AAK1: variants seen among roughly 807,000 people sequenced by gnomAD.
AAK1 encodes AP2 associated kinase 1, also known as AP2-associated protein kinase 1.
A neutral mutation model predicts 116.0 loss-of-function variants in AAK1; 37 were observed. That is an observed-to-expected ratio of 0.32 (90% CI 0.25 to 0.42). The LOEUF is 0.42. AAK1 is among the 10% of genes least tolerant of loss of function. The pLI, the probability that AAK1 is intolerant of heterozygous loss-of-function variation, is 1.00. For missense variants in AAK1, 919 were observed against 1,170.6 expected, an observed-to-expected ratio of 0.79 and a Z score of 3.14; for synonymous variants, 458 against 439.9, an observed-to-expected ratio of 1.04 and a Z score of -0.51.
chr2:69,566,972 C>A (rs1158575442), intron 2 of AAK1, among the ~76,000 whole-genome samples: 1 of 152,078 alleles, frequency 6.6e-6, no homozygotes, highest in East Asian at 1.9e-4. Context: ...AACTTAATAT[C>A]ATTTGAAACT....
intron 8 of AAK1, 146 bp downstream of exon 8, chr2:69,529,862 A>T: frequency 2.5e-6 from 2 of 801,632 alleles, no homozygotes; most frequent in Non-Finnish European, 1.9e-6. Flanking sequence ...AGACAGTTAC[A>T]TTGTCTTTGA....
At chr2:69,643,358 C>T in intron 1 of AAK1, 84 bp from the exon 2 acceptor site, 1 of 1,207,506 alleles carries the variant, frequency 8.3e-7, no homozygotes, top group Non-Finnish European at 1.0e-6. Context: ...GAGCAAAAGC[C>T]ATCATCCTGG....
In AAK1 at chr2:69,520,976, G is replaced by A. The variant is rs1669750630; in HGVS notation, c.1068C>T (p.Pro356=). 6.2e-7 allele frequency: 1 copy of A among 1,613,906 alleles called. No homozygotes were observed. Among genetic ancestry groups the A allele is most frequent in the South Asian group, 1.1e-5 (1 of 91,078 alleles). The change falls in exon 11 of 22, where the codon CCC becomes CCT. Residue 356 remains proline, a synonymous_variant. Transcript: ENST00000409085. ...KTQPKARLTD[P]IPTTETSIAP... ...CAATTGAAGTCTCTGTGGTGGGAAT[G>A]GGATCTGTCAGTCTAGAAAGGGAAA...
At position 69,496,184 on chromosome 2, in the gene AAK1, T is replaced by G. The variant is rs538724146; in HGVS notation, c.2270-104A>C. ...AGTTTACCCTCTATTAATGCAACAG[T>G]TCAAACTACAGAGTAAGTCTAAGCC... On this transcript the variant is annotated intron_variant, in intron 16 of 21. Transcript: ENST00000409085. 3.7e-4 allele frequency: 281 copies of G among 752,418 alleles called. 4 individuals are homozygous for G. The highest frequency in any genetic ancestry group is 7.5e-5 in the Non-Finnish European group (34 of 450,940). The allele number at this position is 752,418 out of a possible 1,614,324, so 46.6% of individuals were successfully genotyped here.
intron 15 of AAK1, among the ~76,000 whole-genome samples, chr2:69,506,707 A>G (rs1241745906): frequency 6.6e-6 from 1 of 152,148 alleles, no homozygotes; most frequent in Non-Finnish European, 1.5e-5. Context: ...TAAAGCCAAA[A>G]TGTTTGGCCA....
chr2:69,595,489 T>C (rs1206280937), intron 2 of AAK1, among the ~76,000 whole-genome samples: 3 of 152,190 alleles, frequency 2.0e-5, no homozygotes, highest in Non-Finnish European at 2.9e-5. Flanking sequence ...AGAACAAACC[T>C]GCCAAAACAT....
Position 69,472,208 on chromosome 2 carries a change from T to C in AAK1, c.*3661A>G. 1 of 969,772 alleles carries C rather than the reference T, an allele frequency of 1.0e-6. No individual in the cohort carries two copies. The highest frequency in any genetic ancestry group is 1.8e-5 in the African/African-American group (1 of 56,988). 60.1% of individuals were successfully genotyped at this position (969,772 alleles called of 1,614,324 possible). A position where few individuals can be genotyped will look rare whatever the true frequency, so the allele number is the denominator to read the frequency against. ...CTGAGAATTTTTTGTGGATTATCCT[T>C]TTTACTGTCTTCAACAGTAACCACT... On this transcript the variant is annotated 3_prime_UTR_variant, in exon 22 of 22. Transcript: ENST00000409085.
chr2:69,566,350 A>G (rs1458935762), intron 2 of AAK1, among the ~76,000 whole-genome samples: 1 of 151,988 alleles, frequency 6.6e-6, no homozygotes, highest in African/African-American at 2.4e-5. Context: ...TTTAATGTCA[A>G]TCTCTCCTCA....
At chr2:69,617,060 T>C (rs940317429) in intron 2 of AAK1, among the ~76,000 whole-genome samples, 10 of 152,024 alleles carry the variant, frequency 6.6e-5, no homozygotes, top group African/African-American at 2.2e-4. Flanking sequence ...AGGATGTCCT[T>C]AAGGTATAGG....
intron 2 of AAK1, among the ~76,000 whole-genome samples, chr2:69,620,985 G>C (rs1414289240): frequency 6.6e-6 from 1 of 152,198 alleles, no homozygotes; most frequent in East Asian, 1.9e-4. Context: ...TTTTTAAAAA[G>C]CATACCCTTT....
In AAK1 at chr2:69,474,474, T is replaced by G; in HGVS notation, c.*1395A>C. The stretch of plus-strand genomic sequence containing the variant: ...ACCATGAGGCATGTTGTCATGTTAG[T>G]GCAGGGGCCTTTATTTATTTTATGA... On this transcript the variant is annotated 3_prime_UTR_variant, in exon 22 of 22. Transcript: ENST00000409085. The G allele has an allele frequency of 1.0e-6, 1 of 985,490 alleles. No individual in the cohort carries two copies. Among genetic ancestry groups the G allele is most frequent in the Non-Finnish European group, 1.2e-6 (1 of 829,828 alleles). 61.0% of individuals were successfully genotyped at this position (985,490 alleles called of 1,614,324 possible). A position where few individuals can be genotyped will look rare whatever the true frequency, so the allele number is the denominator to read the frequency against.
chr2:69,469,295 G>C lies in AAK1; in HGVS notation c.*6574C>G. On this transcript the variant is annotated 3_prime_UTR_variant, in exon 22 of 22. Transcript: ENST00000409085. ...CCACATTCCCTTAAGGAATTCTGGT[G>C]GTGGCAGCACCAGAAACAAGGTAGT... The C allele has an allele frequency of 1.0e-6, 1 of 985,418 alleles. No homozygotes were observed. The highest frequency in any genetic ancestry group is 1.2e-6 in the Non-Finnish European group (1 of 829,928). The allele number at this position is 985,418 out of a possible 1,614,324, so 61.0% of individuals were successfully genotyped here. A position where few individuals can be genotyped will look rare whatever the true frequency, so the allele number is the denominator to read the frequency against.
At position 69,461,478 on chromosome 2, in the gene AAK1, CAA is replaced by C. The variant is rs1157256773; in HGVS notation, c.*14389_*14390del. On this transcript the variant is annotated 3_prime_UTR_variant, in exon 22 of 22. Transcript: ENST00000409085. ...CTAATAATTAATGTAATCCACAAGTCAAAGTTTTTTCATGCATCACCAAAAAA... is the reference window on the plus strand; with the variant it reads ...CTAATAATTAATGTAATCCACAAGTCAGTTTTTTCATGCATCACCAAAAAA... 4.3e-6 allele frequency: 1 copy of C among 229,888 alleles called. No homozygotes were observed. The highest frequency in any genetic ancestry group is 8.4e-6 in the Non-Finnish European group (1 of 118,458). The allele number at this position is 229,888 out of a possible 1,614,324, so 14.2% of individuals were successfully genotyped here.
intron 11 of AAK1, 55 bp from the exon 12 acceptor site, chr2:69,519,295 G>A (rs1440943070): frequency 6.8e-7 from 1 of 1,470,566 alleles, no homozygotes; most frequent in Non-Finnish European, 9.0e-7. Flanking sequence ...CACAAAAATG[G>A]CTTTCTGTCT....
intron 5 of AAK1, among the ~76,000 whole-genome samples, chr2:69,540,550 C>T (rs1175575133): frequency 1.3e-5 from 2 of 152,178 alleles, no homozygotes; most frequent in African/African-American, 4.8e-5. Flanking sequence ...ATAGAAATGC[C>T]AGGATGTACC....
At chr2:69,521,813 G>A (rs573654317) in intron 10 of AAK1, among the ~76,000 whole-genome samples, 3 of 152,344 alleles carry the variant, frequency 2.0e-5, no homozygotes, top group Non-Finnish European at 4.4e-5. Flanking sequence ...GCTGCTAGGA[G>A]CAGAGATGTT....
In AAK1 at chr2:69,472,196, G is replaced by A. The variant is rs1674703298; in HGVS notation, c.*3673C>T. On this transcript the variant is annotated 3_prime_UTR_variant, in exon 22 of 22. Coordinates refer to ENST00000409085, the MANE Select transcript of AAK1 (RefSeq NM_014911.5). ...ATAAGGTCCTCTCTGAGAATTTTTT[G>A]TGGATTATCCTTTTTACTGTCTTCA... is the stretch of plus-strand genomic sequence containing the variant. 1.0e-6 allele frequency: 1 copy of A among 980,110 alleles called. No individual in the cohort carries two copies. The highest frequency in any genetic ancestry group is 1.2e-6 in the Non-Finnish European group (1 of 825,142). 60.7% of individuals were successfully genotyped at this position (980,110 alleles called of 1,614,324 possible).
chr2:69,617,371 T>C (rs1038933213), intron 2 of AAK1, among the ~76,000 whole-genome samples: 10 of 152,254 alleles, frequency 6.6e-5, no homozygotes, highest in Admixed American at 6.5e-5. Flanking sequence ...CTAATCCCAA[T>C]TGAACCTAGC....
intron 14 of AAK1, 50 bp downstream of exon 14, chr2:69,509,181 G>T: frequency 6.6e-7 from 1 of 1,524,180 alleles, no homozygotes; most frequent in Non-Finnish European, 9.1e-7. Flanking sequence ...ACAGCCGCAG[G>T]CAGACTTTGC....
Sources: allele counts gnomAD v4.1 joint callset (sites outside exome capture counted in the v4.1 genomes callset), GRCh38; gene constraint gnomAD v4.1.1; transcripts MANE v1.5; gene names NCBI Gene and HGNC (gene_info 2026-07-23, HGNC 2026-07-21).